FRMPD1: variants seen among roughly 807,000 people sequenced by gnomAD.
The protein encoded by FRMPD1 is FERM and PDZ domain-containing protein 1.
In FRMPD1, 76 loss-of-function variants were observed where a neutral mutation model predicts 117.8. That is an observed-to-expected ratio of 0.65 (90% CI 0.54 to 0.78). FRMPD1 has a LOEUF of 0.78. FRMPD1 is among the 30% of genes least tolerant of loss of function. FRMPD1 has a pLI of 0.00. For missense variants in FRMPD1, 1,786 were observed against 1,964.5 expected, an observed-to-expected ratio of 0.91 and a Z score of 1.72; for synonymous variants, 783 against 770.4, an observed-to-expected ratio of 1.02 and a Z score of -0.27.
intron 2 of FRMPD1, among the ~76,000 whole-genome samples, chr9:37,706,536 A>G (rs1822711427): frequency 6.6e-6 from 1 of 152,218 alleles, no homozygotes; most frequent in Non-Finnish European, 1.5e-5. Flanking sequence ...AGAAAGAACC[A>G]CTGACTGTTA....
the FRMPD1 span, among the ~76,000 whole-genome samples, chr9:37,643,908 G>T: frequency 6.6e-6 from 1 of 152,312 alleles, no homozygotes; most frequent in South Asian, 2.1e-4. Flanking sequence ...AATTAATAGG[G>T]TGGGGTTGCG....
chr9:37,616,992 C>T, the FRMPD1 span, among the ~76,000 whole-genome samples: 9 of 152,346 alleles, frequency 5.9e-5, no homozygotes, highest in East Asian at 1.7e-3. Context: ...AGGACCCATT[C>T]TTATGCATTG....
At chr9:37,683,843 G>T (rs192123304) in intron 1 of FRMPD1, among the ~76,000 whole-genome samples, 2 of 143,134 alleles carry the variant, frequency 1.4e-5, no homozygotes, top group Admixed American at 1.4e-4. Context: ...AGTGTTGTGT[G>T]GGGGAGATGA....
the FRMPD1 span, among the ~76,000 whole-genome samples, chr9:37,633,196 C>T: frequency 0.022 from 3,339 of 151,942 alleles, 138 homozygotes; most frequent in African/African-American, 0.076. Flanking sequence ...CCTGCCACCA[C>T]ACCTGGCTAA....
chr9:37,692,113 C>CT (rs1282610895), intron 1 of FRMPD1, among the ~76,000 whole-genome samples: 3 of 152,124 alleles, frequency 2.0e-5, no homozygotes, highest in Admixed American at 6.5e-5. Flanking sequence ...CAGTAACTAT[C>CT]TTTTTTATAA....
chr9:37,697,571 A>AG (rs1822368814), intron 2 of FRMPD1, among the ~76,000 whole-genome samples: 1 of 152,062 alleles, frequency 6.6e-6, no homozygotes, highest in African/African-American at 2.4e-5. Flanking sequence ...TGTCTCAAAA[A>AG]GAAAAAAAAA....
the FRMPD1 span, among the ~76,000 whole-genome samples, chr9:37,633,704 C>CA: frequency 1.3e-5 from 2 of 151,922 alleles, no homozygotes; most frequent in Non-Finnish European, 2.9e-5. Flanking sequence ...TACAAACAAA[C>CA]AAAAAAATTA....
intron 6 of FRMPD1, among the ~76,000 whole-genome samples, chr9:37,719,672 G>A (rs1035355667): frequency 1.3e-5 from 2 of 152,140 alleles, no homozygotes; most frequent in Admixed American, 1.3e-4. Flanking sequence ...AGGAAGCAGA[G>A]GCCTAGAGAG....
At chr9:37,720,937 T>C (rs1007461461) in intron 6 of FRMPD1, among the ~76,000 whole-genome samples, 1 of 152,238 alleles carries the variant, frequency 6.6e-6, no homozygotes, top group African/African-American at 2.4e-5. Context: ...TCAAGAGTCA[T>C]GCACAGTGAT....
chr9:37,608,521 G>A, the FRMPD1 span, among the ~76,000 whole-genome samples: 1 of 150,378 alleles, frequency 6.6e-6, no homozygotes, highest in Non-Finnish European at 1.5e-5. Flanking sequence ...CCTGAGATGG[G>A]GGGAGGGTAG....
chr9:37,717,893 T>C (rs908355290), intron 5 of FRMPD1, among the ~76,000 whole-genome samples: 3 of 152,222 alleles, frequency 2.0e-5, no homozygotes, highest in African/African-American at 7.2e-5. Flanking sequence ...TTCGAAGCAA[T>C]CTGATAGTCT....
chr9:37,684,042 G>T (rs1821833964), intron 1 of FRMPD1, among the ~76,000 whole-genome samples: 3 of 147,244 alleles, frequency 2.0e-5, no homozygotes, highest in Middle Eastern at 3.7e-3. Flanking sequence ...AAAGTTGGCG[G>T]GTAGGCAGGG....
the FRMPD1 span, among the ~76,000 whole-genome samples, chr9:37,633,465 ACCATCCTATTTTTT>A: frequency 6.6e-6 from 1 of 152,246 alleles, no homozygotes; most frequent in Non-Finnish European, 1.5e-5. Flanking sequence ...ACTGGGCAAT[ACCATCCTATTTTTT>A]AAATAGTTTT....
intron 1 of FRMPD1, among the ~76,000 whole-genome samples, chr9:37,654,126 C>T (rs923238238): frequency 2.6e-5 from 4 of 152,176 alleles, no homozygotes; most frequent in Non-Finnish European, 4.4e-5. Flanking sequence ...GAGAATACAT[C>T]GGAACAAAAG....
chr9:37,675,829 C>T (rs575646348), intron 1 of FRMPD1, among the ~76,000 whole-genome samples: 16 of 152,290 alleles, frequency 1.1e-4, no homozygotes, highest in Middle Eastern at 3.4e-3. Context: ...CCACACAGGG[C>T]GCAGTGCCAG....
chr9:37,731,828 A>C (rs1419503209), intron 9 of FRMPD1, among the ~76,000 whole-genome samples: 1 of 151,986 alleles, frequency 6.6e-6, no homozygotes, highest in East Asian at 1.9e-4. Flanking sequence ...AGCCAAGATC[A>C]TGCCACTGCA....
the FRMPD1 span, among the ~76,000 whole-genome samples, chr9:37,633,473 A>G: frequency 6.6e-6 from 1 of 152,200 alleles, no homozygotes; most frequent in Non-Finnish European, 1.5e-5. Context: ...ATACCATCCT[A>G]TTTTTTAAAT....
intron 8 of FRMPD1, 23 bp from the exon 9 acceptor site, chr9:37,730,961 A>G (rs1363498001): frequency 1.9e-6 from 3 of 1,611,474 alleles, no homozygotes; most frequent in South Asian, 2.2e-5. Context: ...GGAGATTAAT[A>G]GTATCTCCCT....
At chr9:37,634,771 T>A in the FRMPD1 span, among the ~76,000 whole-genome samples, 1 of 151,978 alleles carries the variant, frequency 6.6e-6, no homozygotes, top group East Asian at 1.9e-4. Context: ...CTTCTTTTTT[T>A]TTTTTAAAAA....
Sources: gnomAD v4.1 joint callset for allele counts (sites outside exome capture counted in the v4.1 genomes callset) on GRCh38, gnomAD v4.1.1 for gene constraint, MANE v1.5 for transcripts, NCBI Gene and HGNC (gene_info 2026-07-23, HGNC 2026-07-21) for gene names.